The following PIP5K1B variants were observed in gnomAD, a reference collection of about 807,000 sequenced individuals.
PIP5K1B encodes phosphatidylinositol 4-phosphate 5-kinase type-1 beta.
A neutral mutation model predicts 67.0 loss-of-function variants in PIP5K1B; 42 were observed. The observed-to-expected ratio is 0.63, with a 90% CI of 0.49 to 0.81. The LOEUF is 0.81. Among genes scored for constraint, PIP5K1B ranks in the 30% least tolerant of loss-of-function variants. The pLI, the probability that PIP5K1B is intolerant of heterozygous loss-of-function variation, is 0.00. For missense variants in PIP5K1B, 459 were observed against 646.3 expected (o/e 0.71, Z 3.14); for synonymous variants, 214 against 231.4 (o/e 0.92, Z 0.68).
At chr9:68,938,226 G>A (rs1235418604) in intron 13 of PIP5K1B, among the ~76,000 whole-genome samples, 1 of 152,096 alleles carries the variant, frequency 6.6e-6, no homozygotes, top group Non-Finnish European at 1.5e-5. Flanking sequence ...TTATTGTGTG[G>A]GAGTCTAAGT....
chr9:68,793,323 T>C (rs896667705), intron 2 of PIP5K1B, among the ~76,000 whole-genome samples: 1 of 152,126 alleles, frequency 6.6e-6, no homozygotes, highest in African/African-American at 2.4e-5. Context: ...ATGATCTGTC[T>C]TAGATTTTAA....
chr9:68,990,124 G>A (rs566193897), intron 14 of PIP5K1B, among the ~76,000 whole-genome samples: 43 of 152,276 alleles, frequency 2.8e-4, no homozygotes, highest in African/African-American at 9.1e-4. Context: ...TGGTATTGTC[G>A]TAGTTACTAA....
intron 12 of PIP5K1B, among the ~76,000 whole-genome samples, chr9:68,927,848 T>C (rs982335756): frequency 1.3e-5 from 2 of 152,214 alleles, no homozygotes; most frequent in African/African-American, 4.8e-5. Flanking sequence ...GAAGATTTAC[T>C]TTCATGTTTT....
chr9:68,964,385 C>T (rs544759791), intron 14 of PIP5K1B, among the ~76,000 whole-genome samples: 1 of 152,318 alleles, frequency 6.6e-6, no homozygotes, highest in East Asian at 1.9e-4. Context: ...GAGTAAACAT[C>T]CGATCTTAGC....
intron 8 of PIP5K1B, among the ~76,000 whole-genome samples, chr9:68,905,785 A>G (rs1227879758): frequency 1.3e-5 from 2 of 152,184 alleles, no homozygotes; most frequent in African/African-American, 2.4e-5. Context: ...ATGGTGCTGT[A>G]GGACCAGGGC....
chr9:68,905,623 T>C (rs996094076), intron 8 of PIP5K1B, among the ~76,000 whole-genome samples: 4 of 152,198 alleles, frequency 2.6e-5, no homozygotes, highest in Middle Eastern at 3.2e-3. Flanking sequence ...TTGTGATACA[T>C]TACCCAGTGC....
intron 14 of PIP5K1B, among the ~76,000 whole-genome samples, chr9:68,976,812 T>C (rs569290563): frequency 1.4e-3 from 206 of 152,296 alleles, no homozygotes; most frequent in African/African-American, 4.5e-3. Flanking sequence ...AGGCAGAGCT[T>C]AGGCAGTAAT....
chr9:68,777,167 C>G (rs115634383), intron 2 of PIP5K1B, among the ~76,000 whole-genome samples: 80 of 152,264 alleles, frequency 5.3e-4, no homozygotes, highest in African/African-American at 1.8e-3. Flanking sequence ...GCCTGTTAGA[C>G]TGGATTTTCA....
intron 8 of PIP5K1B, among the ~76,000 whole-genome samples, chr9:68,907,739 G>A (rs1303423034): frequency 1.3e-5 from 2 of 152,182 alleles, no homozygotes; most frequent in African/African-American, 4.8e-5. Context: ...TTAATTACAT[G>A]TTGTTCAGCA....
At chr9:68,971,447 A>G (rs1024728478) in intron 14 of PIP5K1B, among the ~76,000 whole-genome samples, 8 of 152,210 alleles carry the variant, frequency 5.3e-5, no homozygotes, top group Non-Finnish European at 7.3e-5. Flanking sequence ...TAGTGCTGCA[A>G]TAAACATACT....
chr9:68,883,856 T>G (rs1201371825), intron 6 of PIP5K1B, among the ~76,000 whole-genome samples: 1 of 151,692 alleles, frequency 6.6e-6, no homozygotes, highest in Non-Finnish European at 1.5e-5. Context: ...ACACACCCTA[T>G]AGTCAATAGA....
chr9:68,993,225 C>T (rs1413562355), intron 15 of PIP5K1B, among the ~76,000 whole-genome samples: 1 of 152,128 alleles, frequency 6.6e-6, no homozygotes, highest in African/African-American at 2.4e-5. Context: ...CGACCTGCCC[C>T]CTCCCTGGGT....
At chr9:68,917,191 T>G (rs1244192179) in intron 8 of PIP5K1B, among the ~76,000 whole-genome samples, 1 of 152,170 alleles carries the variant, frequency 6.6e-6, no homozygotes, top group Non-Finnish European at 1.5e-5. Flanking sequence ...AAATAGACAA[T>G]AGTAGTACCT....
chr9:68,913,897 G>A (rs764878939), intron 8 of PIP5K1B, among the ~76,000 whole-genome samples: 5 of 152,034 alleles, frequency 3.3e-5, no homozygotes, highest in Non-Finnish European at 5.9e-5. Context: ...ACCCCTTACA[G>A]GATCAGGATA....
At chr9:68,963,900 A>G (rs1368982135) in intron 14 of PIP5K1B, 1 of 152,214 alleles carries the variant, frequency 6.6e-6, no homozygotes, top group Non-Finnish European at 1.5e-5. Context: ...TCTTCAAGCC[A>G]AATTAAATGA....
At chr9:68,824,424 G>C in intron 4 of PIP5K1B, 1 of 300,568 alleles carries the variant, frequency 3.3e-6, no homozygotes, top group Admixed American at 5.1e-5. Context: ...TCTCCAGTAG[G>C]ATATTTAACT....
intron 14 of PIP5K1B, among the ~76,000 whole-genome samples, chr9:68,943,309 A>G (rs1047996138): frequency 1.3e-5 from 2 of 152,130 alleles, no homozygotes; most frequent in Non-Finnish European, 2.9e-5. Context: ...CTTGATGTGT[A>G]CAAGAAGCTG....
At chr9:68,970,388 C>G (rs558480211) in intron 14 of PIP5K1B, among the ~76,000 whole-genome samples, 2 of 152,326 alleles carry the variant, frequency 1.3e-5, no homozygotes, top group East Asian at 3.9e-4. Flanking sequence ...TTGGCCTAAG[C>G]TTTGATGATT....
chr9:68,860,631 G>A (rs1026362624), intron 4 of PIP5K1B, among the ~76,000 whole-genome samples: 13 of 152,184 alleles, frequency 8.5e-5, no homozygotes, highest in African/African-American at 3.1e-4. Flanking sequence ...ACACTGATAT[G>A]GAGGCAGCCT....
Sources: gnomAD v4.1 joint callset for allele counts (sites outside exome capture counted in the v4.1 genomes callset) on GRCh38, gnomAD v4.1.1 for gene constraint, MANE v1.5 for transcripts, NCBI Gene and HGNC (gene_info 2026-07-23, HGNC 2026-07-21) for gene names.